CYP4F22: variants seen among roughly 807,000 people sequenced by gnomAD.
CYP4F22 encodes the protein cytochrome P450 family 4 subfamily F member 22, also known as ultra-long-chain fatty acid omega-hydroxylase.
A neutral mutation model predicts 60.4 loss-of-function variants in CYP4F22; 37 were observed. The ratio of observed to expected loss-of-function variants is 0.61; its 90% confidence interval spans 0.47 to 0.81. The LOEUF is 0.81. CYP4F22 is among the 30% of genes least tolerant of loss of function. The pLI, the probability that CYP4F22 is intolerant of heterozygous loss-of-function variation, is 0.00. For missense variants in CYP4F22, 655 were observed against 715.0 expected, an observed-to-expected ratio of 0.92 and a Z score of 0.96; for synonymous variants, 258 against 280.5, an observed-to-expected ratio of 0.92 and a Z score of 0.80.
At chr19:15,527,355 C>G (rs763853137) in intron 3 of CYP4F22, among the ~76,000 whole-genome samples, 2 of 152,202 alleles carry the variant, frequency 1.3e-5, no homozygotes, top group Non-Finnish European at 2.9e-5. Context: ...CCATCCCTCC[C>G]TAGCTCCATA....
rs781757068 is a variant in CYP4F22 at position 15,537,363 on chromosome 19, G to A, written c.370G>A (p.Ala124Thr). 5.0e-6 allele frequency: 8 copies of A among 1,613,958 alleles called. No homozygotes were observed. The African/African-American group carries it at 5.3e-5, about 11-fold the overall frequency. Reference protein sequence around the residue: ...YIKPLLGASAAIAPKDDLFYG... With the variant: ...YIKPLLGASATIAPKDDLFYG... ...CATTTTCCCTTTGCCCTCCACAGCT[G>A]CCATCGCCCCCAAGGATGACCTCTT... The change falls in exon 5 of 14, where the codon GCC (alanine) becomes ACC (threonine). Residue 124 changes from alanine (A) to threonine (T), a missense_variant and splice_region_variant. Physicochemically the swap from Ala to Thr is moderately conservative, Grantham distance 58 (BLOSUM62 0). This residue lies in a region of CYP4F22 where 430 missense variants were observed against 457.1 expected (regional missense o/e 0.94). Transcript: ENST00000269703.
At chr19:15,511,465 A>AAAAC (rs1212747409) in intron 1 of CYP4F22, among the ~76,000 whole-genome samples, 2 of 152,058 alleles carry the variant, frequency 1.3e-5, no homozygotes, top group South Asian at 2.1e-4. Context: ...TCTAAAAAAC[A>AAAAC]AAACAAACAA....
chr19:15,523,726 T>C lies in CYP4F22; in HGVS notation c.-75T>C, dbSNP rs1339922975. ...CCTAAAGCAAGGACCTGAGTGCAAG[T>C]AATTTTTTTGGGAAGTAATAACAGA... On this transcript the variant is annotated 5_prime_UTR_variant, in exon 2 of 14. Coordinates refer to ENST00000269703, the MANE Select transcript of CYP4F22 (RefSeq NM_173483.4). The C allele has an allele frequency of 6.6e-6, 1 of 152,228 alleles. No homozygotes were observed. Among genetic ancestry groups the C allele is most frequent in the Non-Finnish European group, 1.5e-5 (1 of 68,058 alleles). 9.4% of individuals were successfully genotyped at this position (152,228 alleles called of 1,614,324 possible).
chr19:15,540,225 G>C (rs1298675938), intron 7 of CYP4F22, among the ~76,000 whole-genome samples: 1 of 152,156 alleles, frequency 6.6e-6, no homozygotes, highest in Non-Finnish European at 1.5e-5. Flanking sequence ...TTGAGCTCAC[G>C]AGTTCAAGGC....
intron 10 of CYP4F22, among the ~76,000 whole-genome samples, chr19:15,544,808 C>G (rs972203872): frequency 2.0e-5 from 3 of 152,146 alleles, no homozygotes; most frequent in African/African-American, 7.2e-5. Flanking sequence ...CGCCTGTAAT[C>G]CCAGCATTTT....
Position 15,525,334 on chromosome 19 carries a change from A to G in CYP4F22, c.-1-2A>G. The G allele has an allele frequency of 6.2e-7, 1 of 1,613,064 alleles. No homozygotes were observed. Among genetic ancestry groups the G allele is most frequent in the Non-Finnish European group, 8.5e-7 (1 of 1,179,986 alleles). Reference sequence around the variant, plus strand: ...CGACCCCCTGACCCTGTGTGTCCCCAGGATGCTGCCCATCACAGACCGCCT... The same window carrying G: ...CGACCCCCTGACCCTGTGTGTCCCCGGGATGCTGCCCATCACAGACCGCCT... On this transcript the variant is annotated splice_acceptor_variant, in intron 2 of 13. Transcript: ENST00000269703. LOFTEE classifies it low-confidence loss of function (5UTR_SPLICE).
intron 1 of CYP4F22, among the ~76,000 whole-genome samples, chr19:15,523,013 C>A (rs1411407128): frequency 1.3e-5 from 2 of 151,414 alleles, no homozygotes; most frequent in East Asian, 2.0e-4. Flanking sequence ...ACCCGGCCAA[C>A]AAATTTCACT....
In CYP4F22 at chr19:15,551,685, G is replaced by A. The variant is rs1375852834; in HGVS notation, c.*214G>A. ...TAGGGGGCCTGATCCCGCCCCTTGA[G>A]GCTTAGGTCCCGCCCCCTGACTTCT... On this transcript the variant is annotated 3_prime_UTR_variant, in exon 14 of 14. Coordinates refer to ENST00000269703, the MANE Select transcript of CYP4F22 (RefSeq NM_173483.4). The A allele has an allele frequency of 4.7e-6, 3 of 635,684 alleles. No homozygotes were observed. Among genetic ancestry groups the A allele is most frequent in the African/African-American group, 3.7e-5 (2 of 54,472 alleles). The allele number at this position is 635,684 out of a possible 1,614,324, so 39.4% of individuals were successfully genotyped here.
chr19:15,537,537 G>A lies in CYP4F22; in HGVS notation c.424G>A (p.Asp142Asn), dbSNP rs137942239. The change falls in exon 6 of 14, where the codon GAT becomes AAT. Residue 142 changes from aspartate (D) to asparagine (N), a missense_variant and splice_region_variant. Around this residue, in one of 3 missense-constraint regions of CYP4F22, gnomAD observed 430 missense variants for 457.1 expected, o/e 0.94. Transcript: ENST00000269703. ...TAACCTCAGTCTTCTGGGCCCAGGG[G>A]ATGGGCTGCTGCTCAGCAAAGGTGA... ...FYGFLKPWLGDGLLLSKGDKW... is the reference protein window; with the variant it reads ...FYGFLKPWLGNGLLLSKGDKW... 3 of 1,614,150 alleles carry A rather than the reference G, an allele frequency of 1.9e-6. No individual in the cohort carries two copies. Among genetic ancestry groups the A allele is most frequent in the Non-Finnish European group, 2.5e-6 (3 of 1,180,042 alleles).
chr19:15,535,570 T>A (rs1599804545), intron 4 of CYP4F22, among the ~76,000 whole-genome samples: 1 of 152,066 alleles, frequency 6.6e-6, no homozygotes, highest in Admixed American at 6.6e-5. Flanking sequence ...ATCCATCCAC[T>A]CATTCATTCA....
Position 15,543,161 on chromosome 19 carries a change from G to A in CYP4F22, c.940-810G>A, listed in dbSNP as rs141929069. 6.2e-4 allele frequency among the ~76,000 whole-genome samples: 94 copies of A among 152,170 alleles called. 2 individuals carry two copies. In the East Asian group the frequency reaches 0.014, roughly 22 times the overall value. Reference sequence around the variant, plus strand: ...TTCCACAATGGTTGAACTAATTTACGTTCCCATCAACCTTGTAAAAGCGTT... The same window carrying A: ...TTCCACAATGGTTGAACTAATTTACATTCCCATCAACCTTGTAAAAGCGTT... On this transcript the variant is annotated intron_variant, in intron 8 of 13. Coordinates refer to ENST00000269703, the MANE Select transcript of CYP4F22 (RefSeq NM_173483.4).
Position 15,547,018 on chromosome 19 carries a change from G to GTTTTTTTTTC in CYP4F22, c.1137-1081_1137-1080insCTTTTTTTTT, listed in dbSNP as rs1555730100. ...GAGCCACCATGCCTGGCCTGCACCAGTTTTTTTTTTTTTTTTTTTTTTAAG... is the reference window on the plus strand; with the variant it reads ...GAGCCACCATGCCTGGCCTGCACCAGTTTTTTTTTCTTTTTTTTTTTTTTTTTTTTTTAAG... On this transcript the variant is annotated intron_variant, in intron 10 of 13. Transcript: ENST00000269703. 7.3e-5 allele frequency among the ~76,000 whole-genome samples: 6 copies of GTTTTTTTTTC among 82,330 alleles called. 1 individual carries two copies. The highest frequency in any genetic ancestry group is 3.4e-4 in the African/African-American group (6 of 17,584). The allele number at this position is 82,330 out of a possible 152,430, so 54.0% of individuals were successfully genotyped here.
At chr19:15,521,893 C>G (rs1463314726) in intron 1 of CYP4F22, among the ~76,000 whole-genome samples, 1 of 152,046 alleles carries the variant, frequency 6.6e-6, no homozygotes, top group Non-Finnish European at 1.5e-5. Context: ...GCCTGTAATC[C>G]TAGCACTTTG....
At chr19:15,538,872 A>T (rs1410665884) in intron 7 of CYP4F22, among the ~76,000 whole-genome samples, 2 of 152,224 alleles carry the variant, frequency 1.3e-5, no homozygotes, top group East Asian at 3.8e-4. Context: ...GCTTTTCTAG[A>T]GCTTCCATTT....
intron 10 of CYP4F22, among the ~76,000 whole-genome samples, chr19:15,546,670 A>G (rs1456723460): frequency 2.6e-5 from 4 of 152,200 alleles, no homozygotes; most frequent in Non-Finnish European, 5.9e-5. Flanking sequence ...TTTGGGCCCT[A>G]AAGTCCAAGG....
At chr19:15,542,132 A>T (rs1188508777) in intron 8 of CYP4F22, among the ~76,000 whole-genome samples, 3 of 152,178 alleles carry the variant, frequency 2.0e-5, no homozygotes, top group Admixed American at 1.3e-4. Flanking sequence ...TTGGTGTTGG[A>T]GGCTGCTCAA....
At position 15,545,741 on chromosome 19, in the gene CYP4F22, G is replaced by A. The variant is rs552398634; in HGVS notation, c.1136+1462G>A. On this transcript the variant is annotated intron_variant, in intron 10 of 13. Transcript: ENST00000269703. ...AAATAGCATCAACTCACACAGTGAG[G>A]AGGTTCCTTTCGGTTCTATTTCAAC... 9.2e-5 allele frequency among the ~76,000 whole-genome samples: 14 copies of A among 151,858 alleles called. No individual in the cohort carries two copies. In the South Asian group the frequency reaches 2.9e-3, roughly 32 times the overall value.
At chr19:15,530,193 C>T (rs1971327604) in intron 4 of CYP4F22, among the ~76,000 whole-genome samples, 1 of 152,174 alleles carries the variant, frequency 6.6e-6, no homozygotes, top group Admixed American at 6.6e-5. Flanking sequence ...CTGACATTCC[C>T]ATTATGGCCA....
chr19:15,548,439 G>A (rs1020081620), intron 11 of CYP4F22, among the ~76,000 whole-genome samples, 198 bp downstream of exon 11: 2 of 152,162 alleles, frequency 1.3e-5, no homozygotes, highest in Non-Finnish European at 2.9e-5. Context: ...GTGAGTCCAG[G>A]TGGAAAGGAA....
Sources: allele counts gnomAD v4.1 joint callset (sites outside exome capture counted in the v4.1 genomes callset), GRCh38; gene constraint gnomAD v4.1.1; regional missense constraint gnomAD v4.1.1; transcripts MANE v1.5; gene names NCBI Gene and HGNC (gene_info 2026-07-23, HGNC 2026-07-21).